MBNL1: variants seen among roughly 807,000 people sequenced by gnomAD.
MBNL1 encodes muscleblind-like protein 1.
MBNL1 carries 8 observed loss-of-function variants against 42.2 expected under a neutral mutation model. The ratio of observed to expected loss-of-function variants is 0.19; its 90% CI spans 0.11 to 0.34. The LOEUF (loss-of-function observed/expected upper bound fraction) is 0.34, where lower values mean the gene tolerates loss of function less well. MBNL1 is among the 10% of genes least tolerant of loss of function. The pLI is 1.00. For missense variants in MBNL1, 309 were observed against 495.3 expected (o/e 0.62, Z 3.57); for synonymous variants, 169 against 173.9 (o/e 0.97, Z 0.22).
intron 2 of MBNL1, among the ~76,000 whole-genome samples, chr3:152,410,864 T>G (rs528884314): frequency 1.3e-5 from 2 of 152,372 alleles, no homozygotes; most frequent in African/African-American, 4.8e-5. Context: ...ATGACTGATA[T>G]GCATTGTCAC....
rs571254785 is a variant in MBNL1 at position 152,341,338 on chromosome 3, T to C, written c.174+40971T>C. 2.6e-5 allele frequency among the ~76,000 whole-genome samples: 4 copies of C among 152,336 alleles called. No homozygotes were observed. In the South Asian group the frequency reaches 6.2e-4, roughly 24 times the overall value. On this transcript the variant is annotated intron_variant, in intron 2 of 9. Transcript: ENST00000324210. ...CTTGGGACAAGAAATGAAACAAATA[T>C]AAGAATGTAAATTATGAATTCTCTT...
intron 2 of MBNL1, among the ~76,000 whole-genome samples, chr3:152,359,901 T>C (rs1001111691): frequency 2.0e-5 from 3 of 152,224 alleles, no homozygotes; most frequent in Admixed American, 6.5e-5. Flanking sequence ...AGTCTCACTA[T>C]AAAATACAAA....
At chr3:152,254,311 T>A (rs975455650) in intron 2 of MBNL1, among the ~76,000 whole-genome samples, 1 of 152,110 alleles carries the variant, frequency 6.6e-6, no homozygotes, top group East Asian at 1.9e-4. Flanking sequence ...AAGAGATAAG[T>A]TCATAGTGAC....
intron 2 of MBNL1, among the ~76,000 whole-genome samples, chr3:152,311,143 G>A (rs2066231663): frequency 6.6e-6 from 1 of 151,258 alleles, no homozygotes; most frequent in African/African-American, 2.4e-5. Flanking sequence ...TGAGTAGCTG[G>A]GATTACAGGC....
chr3:152,443,910 T>A (rs898303134), intron 4 of MBNL1, among the ~76,000 whole-genome samples: 1 of 152,152 alleles, frequency 6.6e-6, no homozygotes. Flanking sequence ...TGCTCTTTTT[T>A]AAGATGTAGC....
chr3:152,390,617 A>G (rs1332855858), intron 2 of MBNL1, among the ~76,000 whole-genome samples: 4 of 148,528 alleles, frequency 2.7e-5, no homozygotes, highest in East Asian at 1.9e-4. Flanking sequence ...TGTTATGCAC[A>G]CACACACACA....
At chr3:152,372,700 G>T (rs1351016177) in intron 2 of MBNL1, among the ~76,000 whole-genome samples, 4 of 152,174 alleles carry the variant, frequency 2.6e-5, no homozygotes, top group African/African-American at 9.6e-5. Flanking sequence ...CCCGCCAGAT[G>T]CTAGTGGAGC....
At chr3:152,415,616 A>C (rs1472295616) in intron 3 of MBNL1, among the ~76,000 whole-genome samples, 2 of 152,204 alleles carry the variant, frequency 1.3e-5, no homozygotes, top group Non-Finnish European at 2.9e-5. Context: ...ATAGCTACAA[A>C]TGCTAGGAAA....
chr3:152,328,282 C>T (rs1363177520), intron 2 of MBNL1, among the ~76,000 whole-genome samples: 1 of 152,056 alleles, frequency 6.6e-6, no homozygotes, highest in Non-Finnish European at 1.5e-5. Flanking sequence ...GATCCTGTGA[C>T]TGACACAAAA....
chr3:152,415,264 T>C (rs1257671998), intron 3 of MBNL1, among the ~76,000 whole-genome samples, 153 bp downstream of exon 3: 1 of 152,258 alleles, frequency 6.6e-6, no homozygotes, highest in African/African-American at 2.4e-5. Context: ...AGTCAAATGC[T>C]GGAACAATTT....
intron 2 of MBNL1, among the ~76,000 whole-genome samples, chr3:152,358,768 C>CTATTAT (rs141444624): frequency 6.6e-6 from 1 of 151,306 alleles, no homozygotes; most frequent in Non-Finnish European, 1.5e-5. Flanking sequence ...ATTATTATTA[C>CTATTAT]TATTATTATT....
chr3:152,313,591 G>A (rs752760981), intron 2 of MBNL1, among the ~76,000 whole-genome samples: 7 of 152,132 alleles, frequency 4.6e-5, no homozygotes, highest in Middle Eastern at 3.2e-3. Context: ...AACGGTAGCC[G>A]TTTGTATTGT....
At chr3:152,260,115 G>T (rs916829093) in intron 2 of MBNL1, among the ~76,000 whole-genome samples, 1 of 152,164 alleles carries the variant, frequency 6.6e-6, no homozygotes, top group Non-Finnish European at 1.5e-5. Flanking sequence ...ATTGTAGACT[G>T]GATAGGAAAG....
chr3:152,441,738 G>A (rs1341737125), intron 4 of MBNL1, among the ~76,000 whole-genome samples: 1 of 152,206 alleles, frequency 6.6e-6, no homozygotes, highest in Non-Finnish European at 1.5e-5. Flanking sequence ...CACATTATAT[G>A]TGTAGCTAAA....
intron 2 of MBNL1, among the ~76,000 whole-genome samples, chr3:152,399,331 A>G (rs962339177): frequency 1.3e-5 from 2 of 151,538 alleles, no homozygotes; most frequent in African/African-American, 2.4e-5. Flanking sequence ...TGTCTCATCC[A>G]TTATTACCTT....
chr3:152,368,913 G>A (rs1236643927), intron 2 of MBNL1, among the ~76,000 whole-genome samples: 1 of 152,210 alleles, frequency 6.6e-6, no homozygotes, highest in African/African-American at 2.4e-5. Flanking sequence ...ATTTTGTGCT[G>A]AGACAGTGAG....
In MBNL1 at chr3:152,464,394, A is replaced by G. The variant is rs1749290785; in HGVS notation, c.*2028A>G. 6.6e-6 allele frequency: 1 copy of G among 152,534 alleles called. No homozygotes were observed. The highest frequency in any genetic ancestry group is 2.1e-4 in the South Asian group (1 of 4,838). 9.4% of individuals were successfully genotyped at this position (152,534 alleles called of 1,614,324 possible). A position where few individuals can be genotyped will look rare whatever the true frequency, so the allele number is the denominator to read the frequency against. On this transcript the variant is annotated 3_prime_UTR_variant, in exon 10 of 10. Coordinates refer to ENST00000324210, the MANE Select transcript of MBNL1 (RefSeq NM_021038.5). ...TGTTAGTTCTTGTCTAGTTTTCATT[A>G]AAAGAACAAAGATCTTTTATATGGA...
At chr3:152,279,150 T>A (rs1255927372) in intron 1 of MBNL1, among the ~76,000 whole-genome samples, 1 of 152,108 alleles carries the variant, frequency 6.6e-6, no homozygotes, top group African/African-American at 2.4e-5. Context: ...GTCTTTTCTA[T>A]GTGAGGCCTT....
At position 152,378,598 on chromosome 3, in the gene MBNL1, TTTTCTC is replaced by T. The variant is rs546362879; in HGVS notation, c.175-36339_175-36334del. ...TATCATTACTTTTTCCTTTGAAAGA[TTTTCTC>T]TTTGAAATCTTCCAAGGCTTTTTAC... is the stretch of plus-strand genomic sequence containing the variant. On this transcript the variant is annotated intron_variant, in intron 2 of 9. Coordinates refer to ENST00000324210, the MANE Select transcript of MBNL1 (RefSeq NM_021038.5). Among the ~76,000 whole-genome samples, 93 of 152,322 alleles carry T rather than the reference TTTTCTC, an allele frequency of 6.1e-4. No individual in the cohort carries two copies. The South Asian group carries it at 0.019, about 31-fold the overall frequency.
Sources: allele counts gnomAD v4.1 joint callset (sites outside exome capture counted in the v4.1 genomes callset), GRCh38; gene constraint gnomAD v4.1.1; transcripts MANE v1.5; gene names NCBI Gene and HGNC (gene_info 2026-07-23, HGNC 2026-07-21).